The following HNRNPR variants were observed in gnomAD, a reference collection of about 807,000 sequenced individuals.
The protein encoded by HNRNPR is heterogeneous nuclear ribonucleoprotein R.
A neutral mutation model predicts 70.3 loss-of-function variants in HNRNPR; 4 were observed. That is an observed-to-expected ratio of 0.06 (90% CI 0.03 to 0.13). The LOEUF is 0.13. Among genes scored for constraint, HNRNPR ranks in the 10% least tolerant of loss-of-function variants. The pLI, the probability that HNRNPR is intolerant of heterozygous loss-of-function variation, is 1.00. For synonymous variants in HNRNPR, 241 were observed against 267.6 expected, an observed-to-expected ratio of 0.90 and a Z score of 0.97; for missense variants, 423 against 788.5, an observed-to-expected ratio of 0.54 and a Z score of 5.55.
chr1:23,330,715 ATGTC>A (rs1646187737), intron 5 of HNRNPR, among the ~76,000 whole-genome samples: 1 of 152,170 alleles, frequency 6.6e-6, no homozygotes, highest in African/African-American at 2.4e-5. Flanking sequence ...CTTAGCAACA[ATGTC>A]TGTTAATGAG....
chr1:23,330,531 T>C (rs576738527), intron 5 of HNRNPR, among the ~76,000 whole-genome samples: 3 of 152,024 alleles, frequency 2.0e-5, no homozygotes, highest in South Asian at 2.1e-4. Context: ...TGAGACTCCA[T>C]CTCAAAAAAA....
At chr1:23,328,676 T>A (rs548657805) in intron 5 of HNRNPR, among the ~76,000 whole-genome samples, 1 of 152,246 alleles carries the variant, frequency 6.6e-6, no homozygotes, top group South Asian at 2.1e-4. Context: ...ATTTTTGTAT[T>A]TTTAGGAGAG....
chr1:23,307,073 T>A lies in HNRNPR; in HGVS notation c.*3381A>T, dbSNP rs1451226950. 2.0e-5 allele frequency: 3 copies of A among 152,064 alleles called. No individual in the cohort carries two copies. The highest frequency in any genetic ancestry group is 4.8e-5 in the African/African-American group (2 of 41,304). 9.4% of individuals were successfully genotyped at this position (152,064 alleles called of 1,614,324 possible). ...ACACTAATATTAACTTTGGTTAGTTTTCTTTAAGAATATTGGTAGCTCAGT... is the reference window on the plus strand; with the variant it reads ...ACACTAATATTAACTTTGGTTAGTTATCTTTAAGAATATTGGTAGCTCAGT... On this transcript the variant is annotated 3_prime_UTR_variant, in exon 11 of 11. Coordinates refer to ENST00000302271, the MANE Select transcript of HNRNPR (RefSeq NM_005826.5).
At chr1:23,316,310 C>A (rs1199034647) in intron 8 of HNRNPR, among the ~76,000 whole-genome samples, 1 of 151,458 alleles carries the variant, frequency 6.6e-6, no homozygotes, top group Non-Finnish European at 1.5e-5. Context: ...GAGACCCCAT[C>A]TTTTAAAAAA....
chr1:23,329,283 C>T (rs1646123322), intron 5 of HNRNPR, among the ~76,000 whole-genome samples: 1 of 152,114 alleles, frequency 6.6e-6, no homozygotes, highest in Non-Finnish European at 1.5e-5. Flanking sequence ...AACTTAGGAC[C>T]TAAAAAGAAT....
rs372720469 is a variant in HNRNPR at position 23,310,806 on chromosome 1, C to A, written c.1550G>T (p.Gly517Val). ...GGRGAPPPPR[G>V]RGAPPPRGRA... ...ACCTCTTGGAGGTGGTGCTCCCCTCCCCCTTGGTGGTGGTGGAGCACCTCG... is the reference window on the plus strand; with the variant it reads ...ACCTCTTGGAGGTGGTGCTCCCCTCACCCTTGGTGGTGGTGGAGCACCTCG... Residue 517 changes from glycine to valine, a missense_variant, in exon 11 of 11, where the codon GGG (glycine) becomes GTG (valine). Physicochemically the swap from Gly to Val is moderately radical, Grantham distance 109. Around this residue, in one of 7 missense-constraint regions of HNRNPR, gnomAD observed 169 missense variants for 195.6 expected, o/e 0.86. Transcript: ENST00000302271. The surrounding 1 kb of genome is among the most constrained non-coding windows in gnomAD (Gnocchi z 6.0). 55 of 1,613,966 alleles carry A rather than the reference C, an allele frequency of 3.4e-5. No individual in the cohort carries two copies. Among genetic ancestry groups the A allele is most frequent in the Non-Finnish European group, 4.2e-5 (50 of 1,180,020 alleles).
intron 5 of HNRNPR, among the ~76,000 whole-genome samples, chr1:23,326,196 A>C (rs1168806612): frequency 1.4e-5 from 2 of 145,478 alleles, no homozygotes; most frequent in Admixed American, 6.9e-5. Context: ...CGCCATCCGT[A>C]CGTTTTTTTT....
intron 9 of HNRNPR, among the ~76,000 whole-genome samples, chr1:23,312,055 A>G (rs1043324398): frequency 1.3e-5 from 2 of 152,182 alleles, no homozygotes; most frequent in Non-Finnish European, 2.9e-5. Flanking sequence ...TCAGGTACTC[A>G]GTAACAAAAT....
At chr1:23,326,423 T>C (rs1393714697) in intron 5 of HNRNPR, among the ~76,000 whole-genome samples, 1 of 152,170 alleles carries the variant, frequency 6.6e-6, no homozygotes, top group Non-Finnish European at 1.5e-5. Flanking sequence ...CCCTCTATAA[T>C]TGGCTTCTTC....
chr1:23,329,788 T>C (rs1646142121), intron 5 of HNRNPR, among the ~76,000 whole-genome samples: 1 of 152,150 alleles, frequency 6.6e-6, no homozygotes, highest in Non-Finnish European at 1.5e-5. Flanking sequence ...CATGCCACCA[T>C]GCCTGGCTAA....
chr1:23,319,313 G>A (rs188483804), intron 7 of HNRNPR, among the ~76,000 whole-genome samples: 1 of 152,074 alleles, frequency 6.6e-6, no homozygotes, highest in Non-Finnish European at 1.5e-5. Flanking sequence ...TATCCTCTTT[G>A]ATGTCTTAGA....
At chr1:23,313,480 A>AT (rs1450196000) in intron 9 of HNRNPR, 73 bp downstream of exon 9, 1 of 992,202 alleles carries the variant, frequency 1.0e-6, no homozygotes, top group Admixed American at 2.6e-5. Context: ...TTCAGTTTTT[A>AT]AAGTTACTTT....
At chr1:23,344,041 A>G (rs1246948423) in intron 1 of HNRNPR, among the ~76,000 whole-genome samples, 170 bp downstream of exon 1, 1 of 151,908 alleles carries the variant, frequency 6.6e-6, no homozygotes, top group Non-Finnish European at 1.5e-5. Context: ...CGGCCGGGCT[A>G]GGCCCACAGC....
intron 2 of HNRNPR, among the ~76,000 whole-genome samples, chr1:23,339,669 T>C (rs1411077886): frequency 1.3e-5 from 2 of 152,152 alleles, no homozygotes; most frequent in East Asian, 3.8e-4. Flanking sequence ...TAATGCCACT[T>C]CCAAAGTTAC....
chr1:23,323,876 G>A, intron 5 of HNRNPR, 144 bp from the exon 6 acceptor site: 1 of 675,390 alleles, frequency 1.5e-6, no homozygotes, highest in Non-Finnish European at 2.6e-6. Context: ...CAGTTGACTT[G>A]CAGAGCTAAT....
chr1:23,307,163 T>G lies in HNRNPR; in HGVS notation c.*3291A>C, dbSNP rs949062691. The G allele has an allele frequency of 6.6e-6, 1 of 152,148 alleles. No homozygotes were observed. The highest frequency in any genetic ancestry group is 1.5e-5 in the Non-Finnish European group (1 of 67,998). The allele number at this position is 152,148 out of a possible 1,614,324, so 9.4% of individuals were successfully genotyped here. ...TAACATATTTAGAAGCCTTGATAAT[T>G]GACAAGCAATAGCCTTATAGCAAGT... On this transcript the variant is annotated 3_prime_UTR_variant, in exon 11 of 11. Transcript: ENST00000302271.
chr1:23,326,211 C>A (rs1178790428), intron 5 of HNRNPR, among the ~76,000 whole-genome samples: 2 of 150,584 alleles, frequency 1.3e-5, no homozygotes, highest in African/African-American at 2.5e-5. Context: ...TTTTTTTTTA[C>A]TCACACAGTT....
chr1:23,334,148 A>C (rs1444901293), intron 4 of HNRNPR, among the ~76,000 whole-genome samples: 1 of 151,586 alleles, frequency 6.6e-6, no homozygotes, highest in Non-Finnish European at 1.5e-5. Context: ...TCCTGGCCTC[A>C]TGAGATCCGC....
intron 9 of HNRNPR, among the ~76,000 whole-genome samples, chr1:23,312,225 G>A (rs1264512320): frequency 2.0e-5 from 3 of 152,120 alleles, no homozygotes; most frequent in Non-Finnish European, 4.4e-5. Flanking sequence ...TACCACCTCA[G>A]CTTTGCGTTG....
Sources: allele counts gnomAD v4.1 joint callset (sites outside exome capture counted in the v4.1 genomes callset), GRCh38; gene constraint gnomAD v4.1.1; regional missense constraint gnomAD v4.1.1; non-coding constraint Gnocchi (gnomAD v3.1); transcripts MANE v1.5; gene names NCBI Gene and HGNC (gene_info 2026-07-23, HGNC 2026-07-21).